Variants in DAB1 observed in about 807,000 individuals in gnomAD.
The protein encoded by DAB1 is DAB adaptor protein 1.
A neutral mutation model predicts 64.6 loss-of-function variants in DAB1; 15 were observed. The observed-to-expected ratio is 0.23, with a 90% confidence interval of 0.16 to 0.36. The LOEUF (loss-of-function observed/expected upper bound fraction) is 0.36, where lower values mean the gene tolerates loss of function less well. Among genes scored for constraint, DAB1 ranks in the 10% least tolerant of loss-of-function variants. The pLI is 1.00. For synonymous variants in DAB1, 235 were observed against 251.9 expected (o/e 0.93, Z 0.64); for missense variants, 596 against 706.7 (o/e 0.84, Z 1.78).
intron 8 of DAB1, among the ~76,000 whole-genome samples, chr1:57,069,058 G>T (rs896500066): frequency 6.6e-6 from 1 of 152,138 alleles, no homozygotes; most frequent in African/African-American, 2.4e-5. Context: ...GACCCTAATT[G>T]TATAATGGAC....
intron 4 of DAB1, among the ~76,000 whole-genome samples, chr1:58,316,926 A>G (rs1452334677): frequency 6.6e-6 from 1 of 152,180 alleles, no homozygotes; most frequent in Non-Finnish European, 1.5e-5. Flanking sequence ...ACATATTTAT[A>G]ATTTTGTTTG....
intron 3 of DAB1, among the ~76,000 whole-genome samples, chr1:58,441,628 C>T (rs1433248101): frequency 6.6e-6 from 1 of 152,078 alleles, no homozygotes; most frequent in Non-Finnish European, 1.5e-5. Flanking sequence ...GTGTCAGATT[C>T]GATGATCCCT....
intron 3 of DAB1, among the ~76,000 whole-genome samples, chr1:58,492,879 C>A (rs1475728137): frequency 6.6e-6 from 1 of 152,266 alleles, no homozygotes; most frequent in Non-Finnish European, 1.5e-5. Flanking sequence ...CTATTCCAAT[C>A]AACAGAAAAA....
intron 7 of DAB1, among the ~76,000 whole-genome samples, chr1:57,609,895 T>C (rs1160242581): frequency 6.6e-6 from 1 of 152,212 alleles, no homozygotes; most frequent in African/African-American, 2.4e-5. Flanking sequence ...TCCTGTTGTA[T>C]TTAAAAAATA....
At chr1:57,870,490 T>C (rs1339206575) in intron 1 of DAB1, among the ~76,000 whole-genome samples, 1 of 152,164 alleles carries the variant, frequency 6.6e-6, no homozygotes, top group Non-Finnish European at 1.5e-5. Context: ...TCTAGCACTT[T>C]CCACTACAGG....
intron 7 of DAB1, among the ~76,000 whole-genome samples, chr1:57,596,353 T>G (rs1645509436): frequency 6.6e-6 from 1 of 152,234 alleles, no homozygotes; most frequent in Non-Finnish European, 1.5e-5. Context: ...GTATCCCTGA[T>G]GGGGGATTAA....
chr1:58,053,789 T>A (rs1170223403), intron 5 of DAB1, among the ~76,000 whole-genome samples: 1 of 152,212 alleles, frequency 6.6e-6, no homozygotes, highest in Admixed American at 6.5e-5. Flanking sequence ...CCAATCTGTA[T>A]ACTTACATTT....
chr1:57,745,334 T>C (rs971331064), intron 6 of DAB1, among the ~76,000 whole-genome samples: 3 of 152,208 alleles, frequency 2.0e-5, no homozygotes, highest in African/African-American at 7.2e-5. Context: ...TTTAATTAGA[T>C]GAGTTTAAAT....
chr1:57,561,512 T>A (rs1197880277), intron 7 of DAB1, among the ~76,000 whole-genome samples: 1 of 152,222 alleles, frequency 6.6e-6, no homozygotes, highest in Admixed American at 6.5e-5. Context: ...GGTATACAGA[T>A]AGACTTCTCT....
chr1:57,299,012 A>C (rs1303083176), intron 1 of DAB1, among the ~76,000 whole-genome samples: 1 of 152,238 alleles, frequency 6.6e-6, no homozygotes, highest in Non-Finnish European at 1.5e-5. Context: ...TAAAATTCTG[A>C]AAGAGAATAT....
At chr1:58,288,019 C>CAA (rs763850453) in intron 4 of DAB1, among the ~76,000 whole-genome samples, 3,821 of 21,712 alleles carry the variant, frequency 0.18, 484 homozygotes, top group African/African-American at 0.26. Flanking sequence ...AAGACTGCCT[C>CAA]AAAAAAAAAA....
chr1:57,726,448 T>G (rs1647211683), intron 6 of DAB1, among the ~76,000 whole-genome samples: 1 of 152,154 alleles, frequency 6.6e-6, no homozygotes, highest in Non-Finnish European at 1.5e-5. Context: ...CTGGGAAATG[T>G]AAACTAGTTC....
chr1:58,005,559 C>A (rs1353592176), intron 5 of DAB1, among the ~76,000 whole-genome samples: 1 of 149,762 alleles, frequency 6.7e-6, no homozygotes, highest in African/African-American at 2.5e-5. Flanking sequence ...AGTCCTGATA[C>A]CCAGACAGCT....
At chr1:58,464,244 G>A (rs896972851) in intron 3 of DAB1, among the ~76,000 whole-genome samples, 10 of 152,190 alleles carry the variant, frequency 6.6e-5, no homozygotes, top group African/African-American at 2.4e-4. Context: ...AGACATCAAT[G>A]TGTGTATTGT....
rs181198018 is a variant in DAB1 at position 57,796,323 on chromosome 1, C to G, written n.551+87676G>C. ...CAGGCGGATCACAAGGTCAGAAGAT[C>G]GAGACCATCCTGGCTAACATGGTGA... On this transcript the variant is annotated intron_variant and non_coding_transcript_variant, in intron 6 of 20. Transcript: ENST00000485760. Among the ~76,000 whole-genome samples, 389 of 151,972 alleles carry G rather than the reference C, an allele frequency of 2.6e-3. 2 individuals are homozygous for G. The highest frequency in any genetic ancestry group is 9.1e-3 in the African/African-American group (379 of 41,466).
intron 5 of DAB1, chr1:58,074,558 A>ATACATATATATGTGTG (rs1170950120): frequency 1.7e-5 from 1 of 57,604 alleles, no homozygotes; most frequent in African/African-American, 6.5e-5. Context: ...ACATATATAT[A>ATACATATATATGTGTG]TGTGTGTATA....
intron 4 of DAB1, among the ~76,000 whole-genome samples, chr1:57,101,572 GC>G (rs1654685569): frequency 6.6e-6 from 1 of 152,206 alleles, no homozygotes; most frequent in Non-Finnish European, 1.5e-5. Flanking sequence ...TTCTGGCAGA[GC>G]CATTGAAATA....
At chr1:58,285,028 T>C (rs905539683) in intron 4 of DAB1, among the ~76,000 whole-genome samples, 2 of 152,162 alleles carry the variant, frequency 1.3e-5, no homozygotes, top group Non-Finnish European at 1.5e-5. Flanking sequence ...TTTTGCTGCA[T>C]AACAAACCAT....
rs148514930 is a variant in DAB1, at chr1:57,617,904, G to A, written n.625+31688C>T. The stretch of plus-strand genomic sequence containing the variant: ...TTGGGACATGCTACCTAAATATCTG[G>A]TGATTTCCACACTTACATAACTTCT... On this transcript the variant is annotated intron_variant and non_coding_transcript_variant, in intron 7 of 20. Transcript: ENST00000485760. Among the ~76,000 whole-genome samples the A allele has an allele frequency of 1.6e-3, 251 of 152,220 alleles. 3 individuals are homozygous for A. Among genetic ancestry groups the A allele is most frequent in the African/African-American group, 5.8e-3 (242 of 41,528 alleles).
Sources: allele counts gnomAD v4.1 joint callset (sites outside exome capture counted in the v4.1 genomes callset), GRCh38; gene constraint gnomAD v4.1.1; transcripts MANE v1.5; gene names NCBI Gene and HGNC (gene_info 2026-07-23, HGNC 2026-07-21).